Variants in CATSPERE observed in about 807,000 individuals in gnomAD.
The protein encoded by CATSPERE is catsper channel auxiliary subunit epsilon.
CATSPERE carries 93 observed loss-of-function variants against 114.1 expected under a neutral mutation model. The observed-to-expected ratio is 0.81, with a 90% CI of 0.69 to 0.97. The LOEUF is 0.97. CATSPERE is among the 50% of genes least tolerant of loss of function. CATSPERE has a pLI of 0.00. For synonymous variants in CATSPERE, 341 were observed against 384.1 expected (o/e 0.89, Z 1.31); for missense variants, 1,058 against 1,131.6 (o/e 0.93, Z 0.93).
At chr1:244,609,945 G>A in intron 18 of CATSPERE, among the ~76,000 whole-genome samples, 1 of 152,172 alleles carries the variant, frequency 6.6e-6, no homozygotes, top group East Asian at 1.9e-4. Flanking sequence ...TACTTGAGAG[G>A]CTGAGGCAGG....
intron 21 of CATSPERE, among the ~76,000 whole-genome samples, chr1:244,639,351 C>T (rs1209333657): frequency 6.6e-6 from 1 of 152,212 alleles, no homozygotes; most frequent in Non-Finnish European, 1.5e-5. Flanking sequence ...TTCAGACATC[C>T]CCTCCACTGG....
At chr1:244,530,979 C>G (rs1679487637) in intron 8 of CATSPERE, among the ~76,000 whole-genome samples, 1 of 151,976 alleles carries the variant, frequency 6.6e-6, no homozygotes. Context: ...CCTGTAATCC[C>G]AGCACTCTGG....
intron 7 of CATSPERE, among the ~76,000 whole-genome samples, chr1:244,514,856 C>T (rs1354999137): frequency 1.3e-5 from 2 of 149,422 alleles, no homozygotes; most frequent in African/African-American, 4.9e-5. Context: ...AAAAAGAGTG[C>T]CTGGAAAAAT....
intron 17 of CATSPERE, among the ~76,000 whole-genome samples, chr1:244,596,777 TA>T (rs202200845): frequency 3.5e-4 from 50 of 142,032 alleles, no homozygotes; most frequent in African/African-American, 8.0e-4. Context: ...AAGTAAAATT[TA>T]AAAAAAAAAA....
intron 21 of CATSPERE, among the ~76,000 whole-genome samples, chr1:244,636,922 T>G (rs1263285487): frequency 6.6e-6 from 1 of 152,090 alleles, no homozygotes; most frequent in Non-Finnish European, 1.5e-5. Context: ...AGTCCAGCAC[T>G]CAACCCCACC....
At position 244,568,681 on chromosome 1, in the gene CATSPERE, A is replaced by G. The variant is rs1572799190; in HGVS notation, c.1508-3649A>G. Among the ~76,000 whole-genome samples the G allele has an allele frequency of 6.6e-6, 1 of 152,310 alleles. No homozygotes were observed. The highest frequency in any genetic ancestry group is 1.9e-4 in the East Asian group (1 of 5,170). The stretch of plus-strand genomic sequence containing the variant: ...CCTACTCAAGCCTCAGTAATGGCAG[A>G]CGCTCCTACCCCCACCAAGTTCGGG... On this transcript the variant is annotated intron_variant, in intron 10 of 21. Transcript: ENST00000366534. This position sits in a 1 kb window ranked among gnomAD's most constrained non-coding sequence, Gnocchi z 4.4.
At chr1:244,588,030 A>G (rs1667233596) in intron 13 of CATSPERE, among the ~76,000 whole-genome samples, 1 of 152,082 alleles carries the variant, frequency 6.6e-6, no homozygotes, top group Admixed American at 6.6e-5. Flanking sequence ...CCCTGTCTCT[A>G]CTAAAAATAC....
chr1:244,634,086 A>G (rs1057177723), intron 20 of CATSPERE, among the ~76,000 whole-genome samples: 1 of 151,768 alleles, frequency 6.6e-6, no homozygotes, highest in Non-Finnish European at 1.5e-5. Context: ...CTGGTCTCCA[A>G]CTCCTGAGCT....
At chr1:244,539,026 C>A (rs1009440479) in intron 8 of CATSPERE, among the ~76,000 whole-genome samples, 1 of 152,148 alleles carries the variant, frequency 6.6e-6, no homozygotes, top group African/African-American at 2.4e-5. Context: ...CCATCTAGCC[C>A]CAGCATTCTC....
chr1:244,542,915 A>G (rs1011121950), intron 8 of CATSPERE, among the ~76,000 whole-genome samples: 1 of 152,230 alleles, frequency 6.6e-6, no homozygotes, highest in Admixed American at 6.5e-5. Context: ...ACAATGAGGT[A>G]TCACCTCATA....
At chr1:244,583,977 C>T (rs764937504) in intron 13 of CATSPERE, 38 bp downstream of exon 13, 13 of 1,574,810 alleles carry the variant, frequency 8.3e-6, no homozygotes, top group Non-Finnish European at 1.1e-5. Flanking sequence ...TATTTCACTT[C>T]AAGAATGTAT....
At chr1:244,502,113 G>A (rs1015586973) in intron 7 of CATSPERE, among the ~76,000 whole-genome samples, 7 of 152,034 alleles carry the variant, frequency 4.6e-5, no homozygotes, top group African/African-American at 1.4e-4. Flanking sequence ...GCAGATTGAG[G>A]GGATTATTTT....
In CATSPERE at chr1:244,581,855, G is replaced by GT. The variant is rs1558536893; in HGVS notation, c.2009+2dup. ...GAATATCTGATTACTTTGAGACACA[G>GT]TAAGTATAACTTTTAAAAGAACTTT... On this transcript the variant is annotated splice_donor_variant, in intron 12 of 21. Coordinates refer to ENST00000366534, the MANE Select transcript of CATSPERE (RefSeq NM_001130957.2). LOFTEE classifies it high-confidence loss of function. The GT allele has an allele frequency of 7.9e-7, 1 of 1,263,398 alleles. No individual in the cohort carries two copies. 78.3% of individuals were successfully genotyped at this position (1,263,398 alleles called of 1,614,324 possible). A position where few individuals can be genotyped will look rare whatever the true frequency, so the allele number is the denominator to read the frequency against.
intron 11 of CATSPERE, among the ~76,000 whole-genome samples, chr1:244,578,330 T>C (rs551957213): frequency 1.3e-5 from 2 of 152,216 alleles, no homozygotes; most frequent in Admixed American, 6.5e-5. Flanking sequence ...TTTTTGTATT[T>C]TCAGTAGAGA....
Position 244,512,281 on chromosome 1 carries a change from C to T in CATSPERE, c.430-6311C>T, listed in dbSNP as rs114506022. ...TGGGTTATTGCAAAAGACCTGTCTT[C>T]GAGTTCAGAAATTCTTTCTTCTGCT... On this transcript the variant is annotated intron_variant, in intron 7 of 21. Coordinates refer to ENST00000366534, the MANE Select transcript of CATSPERE (RefSeq NM_001130957.2). 8.6e-3 allele frequency among the ~76,000 whole-genome samples: 1,308 copies of T among 152,246 alleles called. 14 individuals are homozygous for T. Among genetic ancestry groups the T allele is most frequent in the Non-Finnish European group, 0.014 (928 of 68,008 alleles).
At chr1:244,453,039 A>G (rs940397329), upstream of CATSPERE, among the ~76,000 whole-genome samples, 2 of 152,208 alleles carry the variant, frequency 1.3e-5, no homozygotes, top group African/African-American at 4.8e-5. Flanking sequence ...TTTCTAGTCA[A>G]TGAGTTAAGT....
chr1:244,621,167 A>AT lies in CATSPERE; in HGVS notation c.2648+3482dup, dbSNP rs1672208576. Among the ~76,000 whole-genome samples the AT allele has an allele frequency of 1.1e-4, 5 of 47,248 alleles. 1 individual carries two copies. Among genetic ancestry groups the AT allele is most frequent in the African/African-American group, 4.4e-4 (5 of 11,238 alleles). The allele number at this position is 47,248 out of a possible 152,430, so 31.0% of individuals were successfully genotyped here. A position where few individuals can be genotyped will look rare whatever the true frequency, so the allele number is the denominator to read the frequency against. On this transcript the variant is annotated intron_variant, in intron 20 of 21. Coordinates refer to ENST00000366534, the MANE Select transcript of CATSPERE (RefSeq NM_001130957.2). ...ATATATATTATAAAATATATATATT[A>AT]TATATAGATATATTTATATAGATAT... is the stretch of plus-strand genomic sequence containing the variant.
Position 244,575,351 on chromosome 1 carries a change from G to A in CATSPERE, c.1950+2579G>A, listed in dbSNP as rs1312075096. ...ACCAGTCCTTGACCTCTTCTTCCAC[G>A]CAGAGCCAGGCTAGGGAGAGGGACC... On this transcript the variant is annotated intron_variant, in intron 11 of 21. Coordinates refer to ENST00000366534, the MANE Select transcript of CATSPERE (RefSeq NM_001130957.2). This position sits in a 1 kb window ranked among gnomAD's most constrained non-coding sequence, Gnocchi z 4.5. Among the ~76,000 whole-genome samples, 1 of 152,130 alleles carries A rather than the reference G, an allele frequency of 6.6e-6. No individual in the cohort carries two copies. The highest frequency in any genetic ancestry group is 1.5e-5 in the Non-Finnish European group (1 of 68,026).
At chr1:244,548,001 G>A (rs1309235874) in intron 8 of CATSPERE, among the ~76,000 whole-genome samples, 1 of 152,210 alleles carries the variant, frequency 6.6e-6, no homozygotes, top group Non-Finnish European at 1.5e-5. Context: ...TGCAGCCAAT[G>A]GTTTGGCTGG....
Sources: allele counts gnomAD v4.1 joint callset (sites outside exome capture counted in the v4.1 genomes callset), GRCh38; gene constraint gnomAD v4.1.1; non-coding constraint Gnocchi (gnomAD v3.1); transcripts MANE v1.5; gene names NCBI Gene and HGNC (gene_info 2026-07-23, HGNC 2026-07-21).